The following FBXO25 variants were observed in gnomAD, a reference collection of about 807,000 sequenced individuals.
FBXO25 encodes the protein F-box protein 25.
FBXO25 carries 45 observed loss-of-function variants against 51.9 expected under a neutral mutation model. That is an observed-to-expected ratio of 0.87 (90% CI 0.68 to 1.11). The LOEUF is 1.11. FBXO25 is among the 50% of genes most tolerant of loss of function. The probability of loss-of-function intolerance (pLI) is 0.00; values close to 1 mark genes in which losing one functional copy is unlikely to be tolerated. For synonymous variants in FBXO25, 199 were observed against 151.0 expected (o/e 1.32, Z -2.33); for missense variants, 507 against 428.5 (o/e 1.18, Z -1.62).
intron 2 of FBXO25, among the ~76,000 whole-genome samples, chr8:427,522 T>C (rs1464759990): frequency 6.6e-6 from 1 of 151,370 alleles, no homozygotes; most frequent in Admixed American, 6.6e-5. Context: ...TAGATACTTT[T>C]ATTCATTTTC....
In FBXO25 at chr8:463,114, G is replaced by A; in HGVS notation, c.951G>A (p.Leu317=). Residue 317 remains leucine (L), a synonymous_variant, in exon 9 of 10, where the codon CTG becomes CTA. Transcript: ENST00000350302. Reference sequence around the variant, plus strand: ...CGAAGGAGCAGTACGGAGACACACTGCATTTCTGTCGGCACTGCAGCATTC... The same window carrying A: ...CGAAGGAGCAGTACGGAGACACACTACATTTCTGTCGGCACTGCAGCATTC... The part of the protein sequence containing the change: ...YPAKEQYGDT[L]HFCRHCSILF... The A allele has an allele frequency of 6.2e-7, 1 of 1,613,590 alleles. No individual in the cohort carries two copies. Among genetic ancestry groups the A allele is most frequent in the Non-Finnish European group, 8.5e-7 (1 of 1,179,930 alleles).
In FBXO25 at chr8:473,656, C is replaced by G. The variant is rs1042932233; in HGVS notation, c.*4852C>G. ...GAGGGGCAAGCAGGAGAAGGCACTGCTGGTGCCACAGGGGTCCTGGGCTGG... is the reference window on the plus strand; with the variant it reads ...GAGGGGCAAGCAGGAGAAGGCACTGGTGGTGCCACAGGGGTCCTGGGCTGG... On this transcript the variant is annotated 3_prime_UTR_variant, in exon 10 of 10. Coordinates refer to ENST00000350302, the MANE Select transcript of FBXO25 (RefSeq NM_183420.2). 1.3e-5 allele frequency: 2 copies of G among 152,184 alleles called. No individual in the cohort carries two copies. Among genetic ancestry groups the G allele is most frequent in the African/African-American group, 4.8e-5 (2 of 41,436 alleles). The allele number at this position is 152,184 out of a possible 1,614,324, so 9.4% of individuals were successfully genotyped here.
chr8:467,771 C>T, intron 9 of FBXO25: 4 of 1,613,488 alleles, frequency 2.5e-6, no homozygotes, highest in East Asian at 4.5e-5. Flanking sequence ...TGCCACACAT[C>T]CTGTGTTCGG....
At chr8:414,801 C>T (rs1333189881) in intron 2 of FBXO25, among the ~76,000 whole-genome samples, 1 of 152,194 alleles carries the variant, frequency 6.6e-6, no homozygotes, top group African/African-American at 2.4e-5. Context: ...CTCTGTAGGG[C>T]ACAGTGAGCG....
intron 7 of FBXO25, among the ~76,000 whole-genome samples, chr8:457,962 C>T (rs1327947680): frequency 6.6e-6 from 1 of 152,220 alleles, no homozygotes; most frequent in Non-Finnish European, 1.5e-5. Flanking sequence ...CAGGCCCTGC[C>T]CCCTGCTGGT....
chr8:464,544 T>C (rs1050163905), intron 9 of FBXO25, among the ~76,000 whole-genome samples: 2 of 152,248 alleles, frequency 1.3e-5, no homozygotes, highest in Non-Finnish European at 2.9e-5. Context: ...TTTTGCCTGA[T>C]AGACACCATA....
rs146754998 is a variant in FBXO25, at chr8:451,400, T to C, written c.607T>C (p.Leu203=). 10 of 1,613,986 alleles carry C rather than the reference T, an allele frequency of 6.2e-6. No homozygotes were observed. The African/African-American group carries it at 1.3e-4, about 22-fold the overall frequency. The change falls in exon 7 of 10, where the codon TTA becomes CTA. Residue 203 remains leucine (L), a synonymous_variant. Transcript: ENST00000350302. ...VGNINIWICR[L]ETILAWQQQL... ...AAACATCAATATTTGGATTTGCCGATTAGAAACTATTCTCGCCTGGCAACA... is the reference window on the plus strand; with the variant it reads ...AAACATCAATATTTGGATTTGCCGACTAGAAACTATTCTCGCCTGGCAACA...
chr8:463,580 C>T (rs888922663), intron 9 of FBXO25, among the ~76,000 whole-genome samples: 8 of 152,214 alleles, frequency 5.3e-5, no homozygotes, highest in Non-Finnish European at 2.9e-5. Context: ...GGGCCAGGAC[C>T]AGCTTAGGCT....
chr8:408,960 A>G (rs1299549172), intron 1 of FBXO25, among the ~76,000 whole-genome samples: 5 of 152,216 alleles, frequency 3.3e-5, no homozygotes, highest in Admixed American at 6.5e-5. Context: ...TTCCCAAAAT[A>G]AAGGTAATTT....
intron 2 of FBXO25, among the ~76,000 whole-genome samples, chr8:418,333 C>CTTTTTTTTTTTTTTTTTTTTTTTTTTTT (rs1207244013): frequency 5.5e-5 from 4 of 72,336 alleles, no homozygotes; most frequent in Admixed American, 2.0e-4. Context: ...TTTGTTTGTT[C>CTTTTTTTTTTTTTTTTTTTTTTTTTTTT]TTTTTTTTTT....
chr8:463,942 C>T (rs1345172179), intron 9 of FBXO25, among the ~76,000 whole-genome samples: 1 of 151,902 alleles, frequency 6.6e-6, no homozygotes, highest in Non-Finnish European at 1.5e-5. Flanking sequence ...GCAGGTGCTA[C>T]CACACCCAGC....
rs1218070610 is a variant in FBXO25 at position 412,032 on chromosome 8, C to G, written c.-7-1041C>G. Among the ~76,000 whole-genome samples the G allele has an allele frequency of 2.0e-5, 3 of 152,152 alleles. No homozygotes were observed. The East Asian group carries it at 5.8e-4, about 29-fold the overall frequency. Reference sequence around the variant, plus strand: ...ACAGCAGTAGTTGAAAACCACTGATCAAGAGGAGCAGAAATCAAGTCAGTG... The same window carrying G: ...ACAGCAGTAGTTGAAAACCACTGATGAAGAGGAGCAGAAATCAAGTCAGTG... On this transcript the variant is annotated intron_variant, in intron 1 of 9. Coordinates refer to ENST00000350302, the MANE Select transcript of FBXO25 (RefSeq NM_183420.2).
In FBXO25 at chr8:472,227, G is replaced by C. The variant is rs1200332837; in HGVS notation, c.*3423G>C. 6.6e-6 allele frequency: 1 copy of C among 152,176 alleles called. No homozygotes were observed. The highest frequency in any genetic ancestry group is 2.4e-5 in the African/African-American group (1 of 41,440). 9.4% of individuals were successfully genotyped at this position (152,176 alleles called of 1,614,324 possible). ...TCCATACATACCCTCTATTAGGTTGGGGAGGTTCCCTTCTATTCCTAGTTT... is the reference window on the plus strand; with the variant it reads ...TCCATACATACCCTCTATTAGGTTGCGGAGGTTCCCTTCTATTCCTAGTTT... On this transcript the variant is annotated 3_prime_UTR_variant, in exon 10 of 10. Coordinates refer to ENST00000350302, the MANE Select transcript of FBXO25 (RefSeq NM_183420.2).
At chr8:437,577 C>T (rs568528313) in intron 5 of FBXO25, among the ~76,000 whole-genome samples, 15 of 152,292 alleles carry the variant, frequency 9.8e-5, no homozygotes, top group African/African-American at 2.4e-5. Context: ...TCATGCTTAC[C>T]TTCTGCTAAA....
chr8:455,311 T>A (rs1196691368), intron 7 of FBXO25, among the ~76,000 whole-genome samples: 4 of 152,140 alleles, frequency 2.6e-5, no homozygotes, highest in Non-Finnish European at 5.9e-5. Flanking sequence ...TGGAGGGAAG[T>A]AAACCCTCAT....
At chr8:424,548 A>T (rs1797353367) in intron 2 of FBXO25, among the ~76,000 whole-genome samples, 1 of 152,148 alleles carries the variant, frequency 6.6e-6, no homozygotes, top group South Asian at 2.1e-4. Context: ...TATATGCTGA[A>T]AGGTAGGGGT....
At chr8:431,798 A>G (rs1246585338) in intron 3 of FBXO25, among the ~76,000 whole-genome samples, 4 of 152,220 alleles carry the variant, frequency 2.6e-5, no homozygotes, top group Admixed American at 1.3e-4. Flanking sequence ...ACAGACATTC[A>G]GAGCTGGAGT....
At chr8:417,557 C>T (rs1012214508) in intron 2 of FBXO25, among the ~76,000 whole-genome samples, 1 of 152,230 alleles carries the variant, frequency 6.6e-6, no homozygotes, top group South Asian at 2.1e-4. Flanking sequence ...ACTGATATAA[C>T]ATCTAAATCC....
rs772756063 is a variant in FBXO25 at position 468,766 on chromosome 8, G to C, written c.1039G>C (p.Val347Leu). 2.5e-6 allele frequency: 4 copies of C among 1,613,918 alleles called. No individual in the cohort carries two copies. The highest frequency in any genetic ancestry group is 3.4e-6 in the Non-Finnish European group (4 of 1,180,032). Reference sequence around the variant, plus strand: ...CGACCCTGACAGCTGCTTCACGCCTGTGTCTCCGCAGCACTTCATCGACCT... The same window carrying C: ...CGACCCTGACAGCTGCTTCACGCCTCTGTCTCCGCAGCACTTCATCGACCT... ...AADPDSCFTP[V>L]SPQHFIDLFK... The change falls in exon 10 of 10, where the codon GTG (valine) becomes CTG (leucine). Residue 347 changes from valine to leucine, a missense_variant. Transcript: ENST00000350302.
Sources: gnomAD v4.1 joint callset for allele counts (sites outside exome capture counted in the v4.1 genomes callset) on GRCh38, gnomAD v4.1.1 for gene constraint, MANE v1.5 for transcripts, NCBI Gene and HGNC (gene_info 2026-07-23, HGNC 2026-07-21) for gene names.